MTOR: variants seen among roughly 807,000 people sequenced by gnomAD.
MTOR encodes the protein serine/threonine-protein kinase mTOR.
Under a neutral mutation model 319.8 loss-of-function variants are expected in MTOR, and 70 were observed. The observed-to-expected ratio is 0.22, with a 90% CI of 0.18 to 0.27. MTOR has a LOEUF of 0.27. Among genes scored for constraint, MTOR ranks in the 10% least tolerant of loss-of-function variants. The probability of loss-of-function intolerance (pLI) is 1.00; values close to 1 mark genes in which losing one functional copy is unlikely to be tolerated. For synonymous variants in MTOR, 1,183 were observed against 1,211.4 expected (o/e 0.98, Z 0.49); for missense variants, 1,890 against 3,274.4 (o/e 0.58, Z 10.32).
intron 1 of MTOR, among the ~76,000 whole-genome samples, chr1:11,262,092 G>A (rs1485637893): frequency 2.6e-5 from 4 of 152,188 alleles, no homozygotes; most frequent in Non-Finnish European, 4.4e-5. Context: ...GGGCTGACAC[G>A]GACGCTAGTG....
At position 11,210,861 on chromosome 1, in the gene MTOR, G is replaced by C. The variant is rs756418718; in HGVS notation, c.3607C>G (p.Arg1203Gly). The C allele has an allele frequency of 3.1e-6, 5 of 1,613,846 alleles. No individual in the cohort carries two copies. Among genetic ancestry groups the C allele is most frequent in the Non-Finnish European group, 4.2e-6 (5 of 1,179,924 alleles). The change falls in exon 24 of 58, where the codon CGA becomes GGA. Residue 1203 changes from arginine (R) to glycine (G), a missense_variant. Transcript: ENST00000361445. Reference sequence around the variant, plus strand: ...ACATCATAGCGCTGATGATTGATTCGGTGTCGCACCAGAACTTTATTCACC... The same window carrying C: ...ACATCATAGCGCTGATGATTGATTCCGTGTCGCACCAGAACTTTATTCACC... Reference protein sequence around the residue: ...PMVNKVLVRHRINHQRYDVLI... With the variant: ...PMVNKVLVRHGINHQRYDVLI...
intron 31 of MTOR, among the ~76,000 whole-genome samples, chr1:11,148,673 G>A (rs1002417750): frequency 2.0e-5 from 3 of 151,980 alleles, no homozygotes; most frequent in Non-Finnish European, 4.4e-5. Flanking sequence ...AGGCCGAGGA[G>A]GATGGATCAC....
intron 9 of MTOR, among the ~76,000 whole-genome samples, chr1:11,242,433 G>A (rs1557474134): frequency 6.7e-6 from 1 of 148,546 alleles, no homozygotes; most frequent in Non-Finnish European, 1.5e-5. Context: ...CTGAGAGGAG[G>A]AGGTTGCAGT....
chr1:11,189,185 T>C (rs1021513171), intron 28 of MTOR, among the ~76,000 whole-genome samples: 1 of 152,062 alleles, frequency 6.6e-6, no homozygotes, highest in Non-Finnish European at 1.5e-5. Context: ...AAAGAAAGAC[T>C]CGCCCCATCT....
intron 19 of MTOR, among the ~76,000 whole-genome samples, chr1:11,227,591 G>T (rs557754551): frequency 3.3e-5 from 5 of 151,806 alleles, no homozygotes; most frequent in African/African-American, 1.2e-4. Flanking sequence ...TCTGTGGTTG[G>T]TAGTAGTAGG....
At chr1:11,209,175 C>T (rs942390634) in intron 25 of MTOR, 137 bp downstream of exon 25, 1 of 1,016,914 alleles carries the variant, frequency 9.8e-7, no homozygotes, top group African/African-American at 1.6e-5. Context: ...ACAAAATGAT[C>T]TAAGTTCATG....
intron 46 of MTOR, among the ~76,000 whole-genome samples, chr1:11,126,055 A>AC (rs1363543767): frequency 2.0e-5 from 3 of 150,504 alleles, no homozygotes; most frequent in Non-Finnish European, 4.4e-5. Context: ...AAAAAAAAAA[A>AC]AAAAAAAAAA....
chr1:11,238,261 A>G, intron 12 of MTOR, 141 bp downstream of exon 12: 1 of 974,504 alleles, frequency 1.0e-6, no homozygotes, highest in Non-Finnish European at 1.6e-6. Context: ...AGCCATGCCT[A>G]ACACGCCTTG....
At chr1:11,241,800 T>TGATACG in intron 9 of MTOR, 119 bp from the exon 10 acceptor site, 1 of 1,141,738 alleles carries the variant, frequency 8.8e-7, no homozygotes, top group South Asian at 1.5e-5. Flanking sequence ...CAGATGGGTA[T>TGATACG]GCAAATTGTC....
At chr1:11,134,992 A>T (rs1306044592) in intron 36 of MTOR, among the ~76,000 whole-genome samples, 1 of 152,262 alleles carries the variant, frequency 6.6e-6, no homozygotes, top group Non-Finnish European at 1.5e-5. Flanking sequence ...GGGAATAGGG[A>T]GAAGATATTA....
At chr1:11,132,464 A>G (rs533053178) in intron 38 of MTOR, 1 of 152,424 alleles carries the variant, frequency 6.6e-6, no homozygotes, top group Admixed American at 6.5e-5. Context: ...GAAATACTGG[A>G]AAGATGTCAA....
At chr1:11,107,778 A>G (rs1641649624) in intron 57 of MTOR, among the ~76,000 whole-genome samples, 2 of 152,122 alleles carry the variant, frequency 1.3e-5, no homozygotes, top group Non-Finnish European at 2.9e-5. Flanking sequence ...GTGGCCCTTG[A>G]GGTTAGACTC....
At chr1:11,144,851 G>T in intron 33 of MTOR, 96 bp from the exon 34 acceptor site, 1 of 1,509,138 alleles carries the variant, frequency 6.6e-7, no homozygotes, top group Non-Finnish European at 9.2e-7. Context: ...CAGGGTATCT[G>T]CCGATCAGAG....
intron 28 of MTOR, among the ~76,000 whole-genome samples, chr1:11,179,602 GA>G (rs1205379282): frequency 1.3e-5 from 2 of 152,214 alleles, no homozygotes; most frequent in Non-Finnish European, 2.9e-5. Context: ...TTTCTCCACT[GA>G]AGAGCCTTCC....
rs1642914080 is a variant in MTOR at position 11,127,750 on chromosome 1, G to A, written c.6090C>T (p.Gly2030=). ...AILWHEMWHE[G]LEEASRLYFG... ...AGTACAAACGAGATGCCTCTTCCAG[G>A]CCTTCATGCCACATCTCATGCCAGA... The change falls in exon 44 of 58, where the codon GGC becomes GGT. Residue 2030 remains glycine, a synonymous_variant. Coordinates refer to ENST00000361445, the MANE Select transcript of MTOR (RefSeq NM_004958.4). The surrounding 1 kb of genome is among the most constrained non-coding windows in gnomAD (Gnocchi z 5.5). 1 of 1,613,904 alleles carries A rather than the reference G, an allele frequency of 6.2e-7. No homozygotes were observed. The highest frequency in any genetic ancestry group is 1.7e-5 in the Admixed American group (1 of 59,986).
chr1:11,130,480 A>G (rs774070579), intron 39 of MTOR, 49 bp downstream of exon 39: 133 of 1,584,156 alleles, frequency 8.4e-5, no homozygotes, highest in Non-Finnish European at 1.1e-4. Context: ...CATTTCTCAG[A>G]GAGCCTGGCA....
At chr1:11,259,452 T>C (rs1462470884) in intron 1 of MTOR, 29 bp from the exon 2 acceptor site, 2 of 1,505,756 alleles carry the variant, frequency 1.3e-6, no homozygotes, top group Non-Finnish European at 1.8e-6. Flanking sequence ...TTTAATATTC[T>C]GGATAAGAAA....
chr1:11,148,553 T>C (rs570882253), intron 31 of MTOR, among the ~76,000 whole-genome samples: 1 of 152,280 alleles, frequency 6.6e-6, no homozygotes, highest in South Asian at 2.1e-4. Flanking sequence ...TTTATGACTT[T>C]AGGCATAGCT....
rs1449711552 is a variant in MTOR at position 11,129,133 on chromosome 1, C to T, written c.5715-182G>A. On this transcript the variant is annotated intron_variant, in intron 40 of 57. Transcript: ENST00000361445. This position sits in a 1 kb window ranked among gnomAD's most constrained non-coding sequence, Gnocchi z 4.7. ...GGTGGCAGTGCTCTTGACTGAACAC[C>T]GTAAGAGTCACCCTGAGCAAATGAG... 1.3e-5 allele frequency among the ~76,000 whole-genome samples: 2 copies of T among 152,128 alleles called. No homozygotes were observed. Among genetic ancestry groups the T allele is most frequent in the Non-Finnish European group, 2.9e-5 (2 of 68,028 alleles).
Sources: gnomAD v4.1 joint callset for allele counts (sites outside exome capture counted in the v4.1 genomes callset) on GRCh38, gnomAD v4.1.1 for gene constraint, Gnocchi (gnomAD v3.1) non-coding constraint, MANE v1.5 for transcripts, NCBI Gene and HGNC (gene_info 2026-07-23, HGNC 2026-07-21) for gene names.